SYNE2: variants seen among roughly 807,000 people sequenced by gnomAD.
SYNE2 encodes the protein spectrin repeat containing nuclear envelope protein 2, also known as nesprin-2.
SYNE2 carries 431 observed loss-of-function variants against 856.3 expected under a neutral mutation model. The observed-to-expected ratio is 0.50, with a 90% CI of 0.47 to 0.55. The LOEUF (loss-of-function observed/expected upper bound fraction) is 0.55. Ranked by LOEUF, SYNE2 falls within the 20% of genes least tolerant of loss-of-function variation. SYNE2 has a pLI of 0.00. For synonymous variants in SYNE2, 2,923 were observed against 2,872.3 expected (o/e 1.02, Z -0.56); for missense variants, 8,129 against 8,023.2 (o/e 1.01, Z -0.50).
In SYNE2 at chr14:63,981,014, G is replaced by C; in HGVS notation, c.1677G>C (p.Gln559His). ...GAGAATGTCAGAATATTAATAAACA[G>C]TATATGATGGTGAAATCTGATGTTT... ...LAGECQNINK[Q>H]YMMVKSDVCM... is the part of the protein sequence containing the mutation. Residue 559 changes from glutamine (Q) to histidine (H), a missense_variant, in exon 16 of 116, where the codon CAG becomes CAC. By Grantham distance (24) the Gln-to-His change is conservative. Transcript: ENST00000555002. 1 of 1,567,542 alleles carries C rather than the reference G, an allele frequency of 6.4e-7. No individual in the cohort carries two copies. The highest frequency in any genetic ancestry group is 8.8e-7 in the Non-Finnish European group (1 of 1,138,994).
rs554857220 is a variant in SYNE2, at chr14:64,078,319, A to G, written c.11023-147A>G. The G allele has an allele frequency of 1.7e-5, 14 of 801,736 alleles. No homozygotes were observed. The South Asian group carries it at 1.9e-4, about 11-fold the overall frequency. The allele number at this position is 801,736 out of a possible 1,614,324, so 49.7% of individuals were successfully genotyped here. Reference sequence around the variant, plus strand: ...TATTAGTCTTCCTATCCACCTTCTCATTAATGCATTTGCCAGAATTTCTTC... The same window carrying G: ...TATTAGTCTTCCTATCCACCTTCTCGTTAATGCATTTGCCAGAATTTCTTC... On this transcript the variant is annotated intron_variant, in intron 54 of 115. Coordinates refer to ENST00000555002, the MANE Select transcript of SYNE2 (RefSeq NM_182914.3).
intron 6 of SYNE2, among the ~76,000 whole-genome samples, chr14:63,942,567 C>G (rs980039009): frequency 6.6e-6 from 1 of 151,906 alleles, no homozygotes; most frequent in Non-Finnish European, 1.5e-5. Context: ...GCAGTCTTGG[C>G]TCACTGCAAC....
intron 19 of SYNE2, among the ~76,000 whole-genome samples, chr14:63,987,635 T>C (rs997518078): frequency 2.0e-5 from 3 of 152,230 alleles, no homozygotes; most frequent in Non-Finnish European, 2.9e-5. Context: ...TTTATTGCTT[T>C]GAAAATATTA....
At position 64,225,494 on chromosome 14, in the gene SYNE2, C is replaced by T; in HGVS notation, c.20692C>T (p.Leu6898=). ...NNFARSFYPM[L]RYTNGPPPT is the part of the protein sequence containing the mutation. ...CTTTGCCCGGTCCTTTTACCCCATG[C>T]TGAGGTACACCAATGGGCCACCCCC... The change falls in exon 116 of 116, where the codon CTG becomes TTG. Residue 6898 remains leucine, a synonymous_variant. Transcript: ENST00000555002. 2 of 1,614,190 alleles carry T rather than the reference C, an allele frequency of 1.2e-6. No individual in the cohort carries two copies. The highest frequency in any genetic ancestry group is 2.2e-5 in the East Asian group (1 of 44,892).
At position 64,168,949 on chromosome 14, in the gene SYNE2, G is replaced by T. The variant is rs771910766; in HGVS notation, c.16978G>T (p.Asp5660Tyr). 4 of 1,613,928 alleles carry T rather than the reference G, an allele frequency of 2.5e-6. No homozygotes were observed. Among genetic ancestry groups the T allele is most frequent in the Non-Finnish European group, 3.4e-6 (4 of 1,179,876 alleles). Residue 5660 changes from aspartate to tyrosine, a missense_variant, in exon 93 of 116, where the codon GAC (aspartate) becomes TAC (tyrosine). Transcript: ENST00000555002. ...SYVTQSLQLL[D>Y]TTEIENRPEF... ...TGTCACCCAGTCCTTACAACTCCTG[G>T]ACACAACAGAAATAGAGAACAGGTG...
intron 2 of SYNE2, among the ~76,000 whole-genome samples, chr14:63,931,582 A>G (rs2095756247): frequency 6.6e-6 from 1 of 152,016 alleles, no homozygotes; most frequent in African/African-American, 2.4e-5. Context: ...AGAAAGAAAC[A>G]AAAAGAGAAG....
intron 1 of SYNE2, among the ~76,000 whole-genome samples, chr14:63,835,216 A>G (rs761142628): frequency 1.5e-4 from 23 of 152,000 alleles, no homozygotes; most frequent in Non-Finnish European, 2.6e-4. Context: ...GAAAGTACAT[A>G]TTGATATTTT....
chr14:64,092,748 A>G (rs1479773417), intron 60 of SYNE2, among the ~76,000 whole-genome samples: 1 of 152,226 alleles, frequency 6.6e-6, no homozygotes, highest in East Asian at 1.9e-4. Flanking sequence ...CTCCCCTAGC[A>G]CTAGATGCCA....
chr14:63,987,057 T>C (rs2096631595), intron 19 of SYNE2, among the ~76,000 whole-genome samples: 1 of 152,002 alleles, frequency 6.6e-6, no homozygotes, highest in Non-Finnish European at 1.5e-5. Flanking sequence ...ATAGAGACCA[T>C]CCTGGCCAAT....
chr14:64,156,332 G>A (rs968697385), intron 85 of SYNE2, among the ~76,000 whole-genome samples: 1 of 152,176 alleles, frequency 6.6e-6, no homozygotes, highest in Non-Finnish European at 1.5e-5. Flanking sequence ...ATGGGCTCTG[G>A]GATGATGCGG....
chr14:63,826,650 C>T (rs534471268), intron 1 of SYNE2, among the ~76,000 whole-genome samples: 5 of 151,976 alleles, frequency 3.3e-5, no homozygotes, highest in East Asian at 1.9e-4. Flanking sequence ...TATCCACATG[C>T]GCAAGAATGA....
intron 88 of SYNE2, among the ~76,000 whole-genome samples, chr14:64,163,177 G>T (rs1161581660): frequency 1.3e-5 from 2 of 152,196 alleles, no homozygotes; most frequent in Non-Finnish European, 2.9e-5. Flanking sequence ...CTATTAGTCA[G>T]TGGTCACTTT....
chr14:63,996,662 C>A (rs1022742288), intron 23 of SYNE2, among the ~76,000 whole-genome samples: 1 of 152,116 alleles, frequency 6.6e-6, no homozygotes, highest in Non-Finnish European at 1.5e-5. Flanking sequence ...CAGATGCTTC[C>A]CTCTTGTGAG....
At chr14:63,763,905 AC>A (rs1395120147) in intron 1 of SYNE2, among the ~76,000 whole-genome samples, 1 of 152,122 alleles carries the variant, frequency 6.6e-6, no homozygotes, top group African/African-American at 2.4e-5. Context: ...TCAAGGGTTC[AC>A]CTGAAGCGAT....
chr14:63,830,474 C>A (rs1416084652), intron 1 of SYNE2, among the ~76,000 whole-genome samples: 1 of 151,836 alleles, frequency 6.6e-6, no homozygotes, highest in Non-Finnish European at 1.5e-5. Flanking sequence ...GCCTGGGCAA[C>A]ATAGCAAGAC....
At chr14:63,904,758 T>TTGTTCCATTCCAA (rs2095386556) in intron 1 of SYNE2, among the ~76,000 whole-genome samples, 1 of 152,166 alleles carries the variant, frequency 6.6e-6, no homozygotes, top group Non-Finnish European at 1.5e-5. Context: ...TTCCATTCTG[T>TTGTTCCATTCCAA]AGGTTGTTTA....
At chr14:63,964,343 G>A (rs886886379) in intron 10 of SYNE2, among the ~76,000 whole-genome samples, 1 of 152,072 alleles carries the variant, frequency 6.6e-6, no homozygotes, top group African/African-American at 2.4e-5. Flanking sequence ...AAATGTTGTT[G>A]GAACAGAGCC....
intron 2 of SYNE2, among the ~76,000 whole-genome samples, chr14:63,924,852 T>TTTTTTTTTTTTTTTTTTTTTTG (rs2095644491): frequency 7.2e-6 from 1 of 138,496 alleles, no homozygotes; most frequent in East Asian, 2.1e-4. Context: ...TTTTTTTTTT[T>TTTTTTTTTTTTTTTTTTTTTTG]TTTTTTTTTT....
intron 43 of SYNE2, among the ~76,000 whole-genome samples, chr14:64,028,184 C>T (rs1003287166): frequency 6.6e-6 from 1 of 152,090 alleles, no homozygotes; most frequent in African/African-American, 2.4e-5. Context: ...GGACTACAGA[C>T]GTGAGCCACA....
Sources: allele counts gnomAD v4.1 joint callset (sites outside exome capture counted in the v4.1 genomes callset), GRCh38; gene constraint gnomAD v4.1.1; transcripts MANE v1.5; gene names NCBI Gene and HGNC (gene_info 2026-07-23, HGNC 2026-07-21).